NFAT5: variants seen among roughly 807,000 people sequenced by gnomAD.
NFAT5 encodes the protein nuclear factor of activated T cells 5.
NFAT5 carries 31 observed loss-of-function variants against 166.5 expected under a neutral mutation model. That is an observed-to-expected ratio of 0.19 (90% confidence interval 0.14 to 0.25). NFAT5 has a LOEUF of 0.25. Ranked by LOEUF, NFAT5 falls within the 10% of genes least tolerant of loss-of-function variation. The pLI, the probability that NFAT5 is intolerant of heterozygous loss-of-function variation, is 1.00. For missense variants in NFAT5, 1,449 were observed against 1,821.8 expected (o/e 0.80, Z 3.72); for synonymous variants, 612 against 639.7 (o/e 0.96, Z 0.65).
chr16:69,650,123 TG>T (rs1056571325), intron 4 of NFAT5, among the ~76,000 whole-genome samples: 72 of 152,168 alleles, frequency 4.7e-4, no homozygotes, highest in Middle Eastern at 3.4e-3. Context: ...TTAGGCTTTT[TG>T]TAATGAAAAT....
intron 2 of NFAT5, among the ~76,000 whole-genome samples, chr16:69,608,160 G>A (rs2033514207): frequency 6.6e-6 from 1 of 150,758 alleles, no homozygotes. Context: ...TTCGAGACCA[G>A]GCTGGCCAAG....
At chr16:69,597,016 A>G (rs1421237069) in intron 2 of NFAT5, among the ~76,000 whole-genome samples, 1 of 152,168 alleles carries the variant, frequency 6.6e-6, no homozygotes, top group Non-Finnish European at 1.5e-5. Flanking sequence ...CTTGCTATCA[A>G]AATCAGTCCT....
chr16:69,610,693 C>T (rs985167272), intron 2 of NFAT5, among the ~76,000 whole-genome samples: 4 of 152,162 alleles, frequency 2.6e-5, no homozygotes, highest in Non-Finnish European at 4.4e-5. Context: ...ATTTCTTCTC[C>T]GTAAAAACTG....
In NFAT5 at chr16:69,702,389, C is replaced by T. The variant is rs898824819; in HGVS notation, c.*6038C>T. ...ATGCTTTAGCACATCATTTTAGAAACGTCACATTTTAGAAACATTCAGCTT... is the reference window on the plus strand; with the variant it reads ...ATGCTTTAGCACATCATTTTAGAAATGTCACATTTTAGAAACATTCAGCTT... On this transcript the variant is annotated 3_prime_UTR_variant, in exon 15 of 15. Transcript: ENST00000349945. 1.3e-5 allele frequency: 2 copies of T among 152,244 alleles called. No individual in the cohort carries two copies. Among genetic ancestry groups the T allele is most frequent in the Admixed American group, 1.3e-4 (2 of 15,256 alleles). The allele number at this position is 152,244 out of a possible 1,614,324, so 9.4% of individuals were successfully genotyped here.
At chr16:69,578,266 A>G (rs2031429333) in intron 2 of NFAT5, among the ~76,000 whole-genome samples, 1 of 152,218 alleles carries the variant, frequency 6.6e-6, no homozygotes, top group African/African-American at 2.4e-5. Flanking sequence ...CTGTACTCCG[A>G]TATATAGTTT....
intron 10 of NFAT5, among the ~76,000 whole-genome samples, chr16:69,683,389 T>C (rs1372843208): frequency 6.6e-6 from 1 of 150,918 alleles, no homozygotes; most frequent in African/African-American, 2.4e-5. Flanking sequence ...AAAATTAGAC[T>C]GGCGTGGTGG....
intron 7 of NFAT5, among the ~76,000 whole-genome samples, chr16:69,666,968 T>C (rs1482757208): frequency 5.3e-5 from 8 of 151,312 alleles, no homozygotes; most frequent in Non-Finnish European, 1.0e-4. Context: ...GTGGCACATA[T>C]ACACCATGGA....
At chr16:69,688,227 C>CAAAA (rs1309361684) in intron 11 of NFAT5, among the ~76,000 whole-genome samples, 1 of 114,222 alleles carries the variant, frequency 8.8e-6, no homozygotes, top group East Asian at 2.6e-4. Flanking sequence ...AAAAAAAAAA[C>CAAAA]CAGGAGTTTG....
At chr16:69,601,749 A>G (rs2033144746) in intron 2 of NFAT5, among the ~76,000 whole-genome samples, 1 of 152,182 alleles carries the variant, frequency 6.6e-6, no homozygotes, top group Non-Finnish European at 1.5e-5. Flanking sequence ...TTATTTTTTA[A>G]CTGTTATAAG....
intron 3 of NFAT5, among the ~76,000 whole-genome samples, chr16:69,629,596 CA>C (rs1196476959): frequency 6.6e-6 from 1 of 151,840 alleles, no homozygotes; most frequent in Non-Finnish European, 1.5e-5. Context: ...AGGTGGAGTT[CA>C]GAGTCACCAA....
chr16:69,685,216 G>A (rs2037247189), intron 11 of NFAT5: 1 of 150,852 alleles, frequency 6.6e-6, no homozygotes, highest in African/African-American at 2.5e-5. Flanking sequence ...ATATTGGAGT[G>A]GAGGAGTTTT....
intron 2 of NFAT5, among the ~76,000 whole-genome samples, chr16:69,588,547 C>A (rs140545543): frequency 6.6e-6 from 1 of 152,242 alleles, no homozygotes; most frequent in African/African-American, 2.4e-5. Context: ...AGTGCATTTC[C>A]TCTCAAATTT....
chr16:69,621,828 C>T (rs754678807), intron 2 of NFAT5, among the ~76,000 whole-genome samples: 4 of 151,942 alleles, frequency 2.6e-5, no homozygotes, highest in Non-Finnish European at 5.9e-5. Flanking sequence ...AAAAATTAGC[C>T]AGTGTACATT....
chr16:69,566,265 CT>C lies in NFAT5; in HGVS notation c.-36del, dbSNP rs1460996579. The stretch of plus-strand genomic sequence containing the variant: ...TGCCGCCGCCACCGCCGCTCCCCCC[CT>C]CCCGCTGCCCTCGGGCCGGGCTGGG... On this transcript the variant is annotated 5_prime_UTR_variant, in exon 1 of 15. Coordinates refer to ENST00000349945, the MANE Select transcript of NFAT5 (RefSeq NM_138713.4). This position sits in a 1 kb window ranked among gnomAD's most constrained non-coding sequence, Gnocchi z 5.7. 1 of 1,581,124 alleles carries C rather than the reference CT, an allele frequency of 6.3e-7. No homozygotes were observed. The highest frequency in any genetic ancestry group is 1.4e-5 in the African/African-American group (1 of 73,612).
Position 69,626,374 on chromosome 16 carries a change from G to C in NFAT5, c.128-29G>C, listed in dbSNP as rs765271864. The C allele has an allele frequency of 1.4e-5, 22 of 1,549,154 alleles. No homozygotes were observed. In the East Asian group the frequency reaches 4.3e-4, roughly 30 times the overall value. On this transcript the variant is annotated intron_variant, in intron 2 of 14. Transcript: ENST00000349945. Reference sequence around the variant, plus strand: ...GTTGACTGAATCTCTTTTAAAAATTGTTTTCTCCTCTCTTTCCCCTCCCCA... The same window carrying C: ...GTTGACTGAATCTCTTTTAAAAATTCTTTTCTCCTCTCTTTCCCCTCCCCA...
chr16:69,643,235 A>G (rs1333836096), intron 3 of NFAT5, among the ~76,000 whole-genome samples: 1 of 150,786 alleles, frequency 6.6e-6, no homozygotes, highest in African/African-American at 2.4e-5. Flanking sequence ...AAAAAAAAAA[A>G]GAATATATAG....
At chr16:69,695,602 G>C (rs912913560) in intron 14 of NFAT5, 1 of 425,008 alleles carries the variant, frequency 2.4e-6, no homozygotes, top group Non-Finnish European at 4.3e-6. Flanking sequence ...CCAGCACTTT[G>C]AGAGACCAAG....
At chr16:69,603,633 T>G (rs1446005762) in intron 2 of NFAT5, among the ~76,000 whole-genome samples, 1 of 152,132 alleles carries the variant, frequency 6.6e-6, no homozygotes, top group African/African-American at 2.4e-5. Context: ...GTACCTATGA[T>G]CCCAGCTACT....
At chr16:69,639,268 T>C (rs1021109729) in intron 3 of NFAT5, among the ~76,000 whole-genome samples, 1 of 152,178 alleles carries the variant, frequency 6.6e-6, no homozygotes, top group South Asian at 2.1e-4. Flanking sequence ...TTTGTTTGAA[T>C]AGAAAAAAAT....
Sources: gnomAD v4.1 joint callset for allele counts (sites outside exome capture counted in the v4.1 genomes callset) on GRCh38, gnomAD v4.1.1 for gene constraint, Gnocchi (gnomAD v3.1) non-coding constraint, MANE v1.5 for transcripts, NCBI Gene and HGNC (gene_info 2026-07-23, HGNC 2026-07-21) for gene names.